The following GALNT14 variants were observed in gnomAD, a reference collection of about 807,000 sequenced individuals.
GALNT14 encodes the protein UDP-GalNAc:polypeptide N-acetylgalactosaminyltransferase 14.
In GALNT14, 60 loss-of-function variants were observed where a neutral mutation model predicts 77.5. The observed-to-expected ratio is 0.77, with a 90% CI of 0.63 to 0.96. The LOEUF (loss-of-function observed/expected upper bound fraction) is 0.96, where lower values mean the gene tolerates loss of function less well. GALNT14 is among the 40% of genes least tolerant of loss of function. The probability of loss-of-function intolerance (pLI) is 0.00; values close to 1 mark genes in which losing one functional copy is unlikely to be tolerated. For missense variants in GALNT14, 710 were observed against 731.0 expected (o/e 0.97, Z 0.33); for synonymous variants, 280 against 281.7 (o/e 0.99, Z 0.06).
At chr2:30,955,227 G>T (rs571935187) in intron 6 of GALNT14, among the ~76,000 whole-genome samples, 1 of 152,074 alleles carries the variant, frequency 6.6e-6, no homozygotes, top group Non-Finnish European at 1.5e-5. Flanking sequence ...AGGGGATGAA[G>T]CCTGGTTAAG....
intron 13 of GALNT14, among the ~76,000 whole-genome samples, chr2:30,919,067 G>T (rs924747445): frequency 1.3e-5 from 2 of 152,196 alleles, no homozygotes; most frequent in Non-Finnish European, 2.9e-5. Context: ...ACAGGTAAAA[G>T]GACGAGCTAA....
chr2:30,901,901 G>A, the GALNT14 span, among the ~76,000 whole-genome samples: 1 of 152,150 alleles, frequency 6.6e-6, no homozygotes, highest in Non-Finnish European at 1.5e-5. Context: ...TAAATCTTGT[G>A]AGCCTTTAAG....
chr2:30,969,594 C>G (rs1239860538), intron 2 of GALNT14, among the ~76,000 whole-genome samples: 1 of 152,178 alleles, frequency 6.6e-6, no homozygotes, highest in Non-Finnish European at 1.5e-5. Context: ...GCAAAGATGG[C>G]TTCGTGGAGG....
At chr2:30,903,589 T>C in the GALNT14 span, among the ~76,000 whole-genome samples, 1 of 152,226 alleles carries the variant, frequency 6.6e-6, no homozygotes, top group Non-Finnish European at 1.5e-5. Context: ...CAACAACTGC[T>C]GAGTGAGCTT....
intron 1 of GALNT14, among the ~76,000 whole-genome samples, chr2:31,032,954 G>A (rs1017630362): frequency 6.6e-6 from 1 of 152,120 alleles, no homozygotes; most frequent in African/African-American, 2.4e-5. Context: ...GAGCAGCCCT[G>A]AGTTGGAATC....
rs184314131 is a variant in GALNT14, at chr2:31,007,764, A to T, written c.130-14757T>A. ...ACTCACTGCAAGATTCCCTTAAGTT[A>T]TCCGTTTCCTTAGTGCATTAAAATC... On this transcript the variant is annotated intron_variant, in intron 1 of 14. Coordinates refer to ENST00000349752, the MANE Select transcript of GALNT14 (RefSeq NM_024572.4). 3.0e-3 allele frequency among the ~76,000 whole-genome samples: 461 copies of T among 152,320 alleles called. 1 individual carries two copies. Among genetic ancestry groups the T allele is most frequent in the Non-Finnish European group, 4.6e-3 (313 of 68,024 alleles).
chr2:31,100,852 T>G (rs1677235246), intron 1 of GALNT14, among the ~76,000 whole-genome samples: 1 of 152,064 alleles, frequency 6.6e-6, no homozygotes, highest in African/African-American at 2.4e-5. Flanking sequence ...CAAGACTACC[T>G]TAAGTGAGCT....
intron 1 of GALNT14, among the ~76,000 whole-genome samples, chr2:31,029,967 C>T (rs953312859): frequency 2.5e-4 from 38 of 152,216 alleles, no homozygotes; most frequent in Non-Finnish European, 5.0e-4. Flanking sequence ...TCCTTGGGAA[C>T]GAGTGAGTTC....
At chr2:30,991,205 T>C (rs904227303) in intron 2 of GALNT14, 1 of 151,930 alleles carries the variant, frequency 6.6e-6, no homozygotes, top group African/African-American at 2.4e-5. Context: ...GGGGCTGTCA[T>C]CCAGGTGCGC....
At chr2:31,087,514 G>GGAGAGGAGAGGAGAA (rs1280178718) in intron 1 of GALNT14, among the ~76,000 whole-genome samples, 1 of 151,916 alleles carries the variant, frequency 6.6e-6, no homozygotes, top group African/African-American at 2.4e-5. Context: ...GGAGAAGAGA[G>GGAGAGGAGAGGAGAA]GAGAGGAGAG....
At chr2:30,907,093 C>T (rs954466364), downstream of GALNT14, among the ~76,000 whole-genome samples, 7 of 152,076 alleles carry the variant, frequency 4.6e-5, no homozygotes, top group South Asian at 8.3e-4. Flanking sequence ...ACTAAATGCC[C>T]ACAAGAGAAA....
rs562663952 is a variant in GALNT14, at chr2:31,077,332, T to C, written c.129+60626A>G. Among the ~76,000 whole-genome samples, 7 of 152,326 alleles carry C rather than the reference T, an allele frequency of 4.6e-5. No individual in the cohort carries two copies. The South Asian group carries it at 1.5e-3, about 32-fold the overall frequency. ...TTTTACCTACATTCCTCAAGGAACT[T>C]ATGAAATCTAATATACACACCCATC... is the stretch of plus-strand genomic sequence containing the variant. On this transcript the variant is annotated intron_variant, in intron 1 of 14. Coordinates refer to ENST00000349752, the MANE Select transcript of GALNT14 (RefSeq NM_024572.4).
intron 1 of GALNT14, among the ~76,000 whole-genome samples, chr2:31,044,130 T>G (rs994530245): frequency 2.6e-5 from 4 of 152,232 alleles, no homozygotes; most frequent in Admixed American, 1.3e-4. Flanking sequence ...TTTCTTCATG[T>G]TCCCATTAGT....
chr2:30,986,078 G>A (rs1190074894), intron 2 of GALNT14, among the ~76,000 whole-genome samples: 1 of 152,110 alleles, frequency 6.6e-6, no homozygotes, highest in Non-Finnish European at 1.5e-5. Context: ...GGAGGAAAAG[G>A]AGCCAAGGAA....
rs771053156 is a variant in GALNT14 at position 30,932,091 on chromosome 2, A to G, written c.1035T>C (p.Asp345=). ...FRKKHPYVFP[D]GNANTYIKNT... is the part of the protein sequence containing the mutation. ...ACTTTATATACGTGTTGGCATTTCC[A>G]TCAGGGAAAACGTAGGGGTGCTTCT... Residue 345 remains aspartate (D), a synonymous_variant, in exon 10 of 15, where the codon GAT becomes GAC. Transcript: ENST00000349752. 4 of 1,573,618 alleles carry G rather than the reference A, an allele frequency of 2.5e-6. No individual in the cohort carries two copies. Among genetic ancestry groups the G allele is most frequent in the Middle Eastern group, 1.7e-4 (1 of 5,980 alleles).
intron 1 of GALNT14, among the ~76,000 whole-genome samples, chr2:31,119,064 AT>A (rs200770004): frequency 1.3e-5 from 2 of 152,128 alleles, no homozygotes; most frequent in African/African-American, 4.8e-5. Flanking sequence ...TGACATAAAA[AT>A]AAATCCCAGA....
At chr2:31,029,704 G>A (rs1672292440) in intron 1 of GALNT14, among the ~76,000 whole-genome samples, 1 of 151,208 alleles carries the variant, frequency 6.6e-6, no homozygotes, top group Non-Finnish European at 1.5e-5. Flanking sequence ...CTACATCCCA[G>A]AGGAGTAGCA....
At chr2:30,913,080 G>T (rs1231952629) in intron 13 of GALNT14, among the ~76,000 whole-genome samples, 1 of 152,116 alleles carries the variant, frequency 6.6e-6, no homozygotes, top group East Asian at 1.9e-4. Flanking sequence ...TCATTATGAG[G>T]AATGATTCCA....
At chr2:31,000,813 A>G (rs1573129180) in intron 1 of GALNT14, among the ~76,000 whole-genome samples, 1 of 152,204 alleles carries the variant, frequency 6.6e-6, no homozygotes, top group African/African-American at 2.4e-5. Flanking sequence ...ATATCTGGAC[A>G]TTGTGGTTTG....
Sources: gnomAD v4.1 joint callset for allele counts (sites outside exome capture counted in the v4.1 genomes callset) on GRCh38, gnomAD v4.1.1 for gene constraint, MANE v1.5 for transcripts, NCBI Gene and HGNC (gene_info 2026-07-23, HGNC 2026-07-21) for gene names.